Variants in LGALS12 observed in about 807,000 individuals in gnomAD.
The protein encoded by LGALS12 is galectin-12.
A neutral mutation model predicts 36.8 loss-of-function variants in LGALS12; 36 were observed. The ratio of observed to expected loss-of-function variants is 0.98; its 90% CI spans 0.75 to 1.29. The LOEUF (loss-of-function observed/expected upper bound fraction) is 1.29, where lower values mean the gene tolerates loss of function less well. LGALS12 is among the 50% of genes most tolerant of loss of function. LGALS12 has a pLI of 0.00. For missense variants in LGALS12, 366 were observed against 394.3 expected, an observed-to-expected ratio of 0.93 and a Z score of 0.61; for synonymous variants, 145 against 155.9, an observed-to-expected ratio of 0.93 and a Z score of 0.52.
Position 63,516,281 on chromosome 11 carries a change from T to C in LGALS12, c.833T>C (p.Leu278Pro), listed in dbSNP as rs764794516. 5 of 1,602,658 alleles carry C rather than the reference T, an allele frequency of 3.1e-6. No homozygotes were observed. In the African/African-American group the frequency reaches 6.7e-5, roughly 22 times the overall value. Residue 278 changes from leucine (L) to proline (P), a missense_variant, in exon 9 of 9, where the codon CTG becomes CCG. Physicochemically the swap from Leu to Pro is moderately conservative, Grantham distance 98 (BLOSUM62 -3). Coordinates refer to ENST00000394618, the MANE Select transcript of LGALS12 (RefSeq NM_033101.4). ...LLLFQEGGLK[L>P]ALNGQGLGAT... The stretch of plus-strand genomic sequence containing the variant: ...CTGTTCCAGGAGGGAGGGCTGAAGC[T>C]GGCGCTCAATGGGCAGGGGCTGGGG...
At chr11:63,511,915 C>A (rs2016937911) in intron 7 of LGALS12, 75 bp downstream of exon 7, 1 of 956,166 alleles carries the variant, frequency 1.0e-6, no homozygotes, top group African/African-American at 1.6e-5. Context: ...AACATCATCT[C>A]TTTTAATCTC....
Position 63,516,275 on chromosome 11 carries a change from T to C in LGALS12, c.827T>C (p.Leu276Pro), listed in dbSNP as rs1356789593. 1.9e-6 allele frequency: 3 copies of C among 1,599,104 alleles called. No individual in the cohort carries two copies. The highest frequency in any genetic ancestry group is 1.3e-5 in the African/African-American group (1 of 74,294). The change falls in exon 9 of 9, where the codon CTG becomes CCG. Residue 276 changes from leucine (L) to proline (P), a missense_variant. Leu to Pro is a moderately conservative substitution (Grantham distance 98). Coordinates refer to ENST00000394618, the MANE Select transcript of LGALS12 (RefSeq NM_033101.4). The part of the protein sequence containing the change: ...EVLLLFQEGG[L>P]KLALNGQGLG... The stretch of plus-strand genomic sequence containing the variant: ...CTGCTCCTGTTCCAGGAGGGAGGGC[T>C]GAAGCTGGCGCTCAATGGGCAGGGG...
intron 5 of LGALS12, 85 bp downstream of exon 5, chr11:63,510,586 C>T: frequency 2.3e-6 from 3 of 1,320,916 alleles, no homozygotes; most frequent in Admixed American, 3.6e-5. Flanking sequence ...CAAGGCCCAG[C>T]TGCCCCTTCC....
In LGALS12 at chr11:63,516,395, G is replaced by C. The variant is rs1565230192; in HGVS notation, c.*2G>C. 2 of 1,613,874 alleles carry C rather than the reference G, an allele frequency of 1.2e-6. No individual in the cohort carries two copies. Among genetic ancestry groups the C allele is most frequent in the Non-Finnish European group, 1.7e-6 (2 of 1,180,002 alleles). The stretch of plus-strand genomic sequence containing the variant: ...CAGCTCTACTGTGTCCACTCCTGAG[G>C]ATGGTTCCAGGGAAATACCGCCAGA... On this transcript the variant is annotated 3_prime_UTR_variant, in exon 9 of 9. Transcript: ENST00000394618.
At chr11:63,515,066 G>A (rs893556645) in intron 7 of LGALS12, among the ~76,000 whole-genome samples, 36 of 152,174 alleles carry the variant, frequency 2.4e-4, no homozygotes, top group African/African-American at 8.4e-4. Flanking sequence ...TACAGATGAG[G>A]AAACTGAGGC....
In LGALS12 at chr11:63,506,536, T is replaced by C. The variant is rs755789721; in HGVS notation, c.69+9T>C. 6 of 1,614,144 alleles carry C rather than the reference T, an allele frequency of 3.7e-6. No homozygotes were observed. The highest frequency in any genetic ancestry group is 5.1e-6 in the Non-Finnish European group (6 of 1,180,000). On this transcript the variant is annotated intron_variant, in intron 1 of 8. Coordinates refer to ENST00000394618, the MANE Select transcript of LGALS12 (RefSeq NM_033101.4). ...CACCAGTCTTCCACCCGGTGAGTTG[T>C]CACTCTAATGTGGAACCTCCTCGGT... is the stretch of plus-strand genomic sequence containing the variant.
intron 1 of LGALS12, among the ~76,000 whole-genome samples, chr11:63,507,466 A>G (rs187123069): frequency 6.6e-6 from 1 of 152,146 alleles, no homozygotes; most frequent in Non-Finnish European, 1.5e-5. Context: ...CACTGAGCCT[A>G]CAGGAGGGAA....
intron 1 of LGALS12, among the ~76,000 whole-genome samples, chr11:63,507,528 AGTCGCT>A (rs2016775854): frequency 6.6e-6 from 1 of 152,148 alleles, no homozygotes; most frequent in Non-Finnish European, 1.5e-5. Flanking sequence ...AAAGCCAACC[AGTCGCT>A]CTAAGCCAAG....
rs1000851004 is a variant in LGALS12, at chr11:63,516,687, C to A, written c.*294C>A. On this transcript the variant is annotated 3_prime_UTR_variant, in exon 9 of 9. Transcript: ENST00000394618. ...AGTGTTGTAGACTAACAAAGATACT[C>A]CAAAATACAATGGCTTAAAGAATGT... The A allele has an allele frequency of 2.3e-5, 9 of 388,170 alleles. No homozygotes were observed. Among genetic ancestry groups the A allele is most frequent in the Non-Finnish European group, 9.3e-6 (2 of 215,974 alleles). 24.0% of individuals were successfully genotyped at this position (388,170 alleles called of 1,614,324 possible).
At chr11:63,511,637 G>A in intron 6 of LGALS12, 115 bp from the exon 7 acceptor site, 2 of 694,280 alleles carry the variant, frequency 2.9e-6, no homozygotes, top group Non-Finnish European at 5.1e-6. Context: ...GCGTGTCCTG[G>A]CGGCAGGCCT....
chr11:63,515,454 C>T, intron 7 of LGALS12, 109 bp from the exon 8 acceptor site: 1 of 1,277,716 alleles, frequency 7.8e-7, no homozygotes, highest in Non-Finnish European at 1.1e-6. Flanking sequence ...GAGGCTGAAG[C>T]AGCTCAACCT....
chr11:63,513,670 C>G (rs1455146241), intron 7 of LGALS12, among the ~76,000 whole-genome samples: 1 of 152,184 alleles, frequency 6.6e-6, no homozygotes, highest in East Asian at 1.9e-4. Flanking sequence ...TTTGTGAAAG[C>G]AACTGATGGC....
chr11:63,511,169 G>T, intron 6 of LGALS12, 64 bp downstream of exon 6: 1 of 1,462,858 alleles, frequency 6.8e-7, no homozygotes, highest in Non-Finnish European at 9.5e-7. Flanking sequence ...CAGCTAATGA[G>T]CTCAGCCTGG....
Position 63,509,564 on chromosome 11 carries a change from G to T in LGALS12, c.373-214G>T, listed in dbSNP as rs567384314. 3.3e-5 allele frequency among the ~76,000 whole-genome samples: 5 copies of T among 152,342 alleles called. 1 individual carries two copies. The South Asian group carries it at 1.0e-3, about 32-fold the overall frequency. On this transcript the variant is annotated intron_variant, in intron 3 of 8. Transcript: ENST00000394618. The stretch of plus-strand genomic sequence containing the variant: ...AGGGGCCTCTGTTGGGGTAGAGGGA[G>T]CGTTGAAGGTGCCTTAGTCTCCAGG...
chr11:63,510,988 AAATATTCCCAATTTGTTAG>A, intron 5 of LGALS12, 72 bp from the exon 6 acceptor site: 1 of 1,368,310 alleles, frequency 7.3e-7, no homozygotes, highest in Non-Finnish European at 1.0e-6. Context: ...GACAAGCCCC[AAATATTCCCAATTTGTTAG>A]AATAACAAGA....
At position 63,516,609 on chromosome 11, in the gene LGALS12, C is replaced by T; in HGVS notation, c.*216C>T. ...ACTCTGCACCTTCCTCCACCAGGAG[C>T]CTGGGATATGGCTCCATCTGCCTTC... On this transcript the variant is annotated 3_prime_UTR_variant, in exon 9 of 9. Coordinates refer to ENST00000394618, the MANE Select transcript of LGALS12 (RefSeq NM_033101.4). 2 of 595,382 alleles carry T rather than the reference C, an allele frequency of 3.4e-6. No individual in the cohort carries two copies. The highest frequency in any genetic ancestry group is 3.0e-6 in the Non-Finnish European group (1 of 338,598). 36.9% of individuals were successfully genotyped at this position (595,382 alleles called of 1,614,324 possible).
rs542014412 is a variant in LGALS12, at chr11:63,508,972, T to C, written c.353T>C (p.Phe118Ser). Residue 118 changes from phenylalanine to serine, a missense_variant, in exon 3 of 9, where the codon TTC becomes TCC. Coordinates refer to ENST00000394618, the MANE Select transcript of LGALS12 (RefSeq NM_033101.4). ...TCCAGCTTCCTCATCCTCTTTCTCTTCGGGAATGAGGAAGTGAAGGTGAAG... is the reference window on the plus strand; with the variant it reads ...TCCAGCTTCCTCATCCTCTTTCTCTCCGGGAATGAGGAAGTGAAGGTGAAG... ...RGSSFLILFL[F>S]GNEEVKVSVN... is the part of the protein sequence containing the mutation. 1.9e-6 allele frequency: 3 copies of C among 1,613,768 alleles called. No individual in the cohort carries two copies. Among genetic ancestry groups the C allele is most frequent in the African/African-American group, 2.7e-5 (2 of 75,036 alleles).
chr11:63,510,685 C>A (rs1219648456), intron 5 of LGALS12, among the ~76,000 whole-genome samples, 184 bp downstream of exon 5: 3 of 152,214 alleles, frequency 2.0e-5, no homozygotes, highest in Non-Finnish European at 2.9e-5. Context: ...TCTCCAGGCC[C>A]AGCTTGGGAA....
In LGALS12 at chr11:63,506,241, G is replaced by A. The variant is rs2120354800; in HGVS notation, c.-218G>A. On this transcript the variant is annotated 5_prime_UTR_variant, in exon 1 of 9. Coordinates refer to ENST00000394618, the MANE Select transcript of LGALS12 (RefSeq NM_033101.4). ...GCCCCCGCCCAGCCAGAGCTCTGCTGTATACCACCGGGAGTGGGGCTGGTG... is the reference window on the plus strand; with the variant it reads ...GCCCCCGCCCAGCCAGAGCTCTGCTATATACCACCGGGAGTGGGGCTGGTG... The A allele has an allele frequency of 3.9e-6, 3 of 772,138 alleles. No individual in the cohort carries two copies. The highest frequency in any genetic ancestry group is 4.1e-6 in the Non-Finnish European group (2 of 488,050). 47.8% of individuals were successfully genotyped at this position (772,138 alleles called of 1,614,324 possible). A position where few individuals can be genotyped will look rare whatever the true frequency, so the allele number is the denominator to read the frequency against.
Sources: gnomAD v4.1 joint callset for allele counts (sites outside exome capture counted in the v4.1 genomes callset) on GRCh38, gnomAD v4.1.1 for gene constraint, MANE v1.5 for transcripts, NCBI Gene and HGNC (gene_info 2026-07-23, HGNC 2026-07-21) for gene names.